The following SPACA9 variants were observed in gnomAD, a reference collection of about 807,000 sequenced individuals.
SPACA9 encodes sperm acrosome-associated protein 9.
A neutral mutation model predicts 12.5 loss-of-function variants in SPACA9; 14 were observed. The ratio of observed to expected loss-of-function variants is 1.12; its 90% CI spans 0.74 to 1.75. The LOEUF is 1.75. SPACA9 is among the 40% of genes most tolerant of loss of function. The pLI, the probability that SPACA9 is intolerant of heterozygous loss-of-function variation, is 0.00. For missense variants in SPACA9, 292 were observed against 291.9 expected (o/e 1.00, Z 0.00); for synonymous variants, 111 against 114.1 (o/e 0.97, Z 0.17).
intron 2 of SPACA9, among the ~76,000 whole-genome samples, chr9:132,884,540 G>A (rs1338028841): frequency 6.6e-6 from 1 of 152,256 alleles, no homozygotes; most frequent in Non-Finnish European, 1.5e-5. Context: ...TTTCGCAGAT[G>A]TTTTTATTTA....
downstream of SPACA9, chr9:132,890,152 C>A: frequency 1.9e-6 from 1 of 534,050 alleles, no homozygotes; most frequent in Non-Finnish European, 2.9e-6. Flanking sequence ...CCACCCTAGG[C>A]AAGGGGGCAT....
rs142240079 is a variant in SPACA9 at position 132,888,438 on chromosome 9, G to A, written c.496G>A (p.Val166Met). Reference sequence around the variant, plus strand: ...GTTGCCGCGCAAGGTGCTGCAGCACGTGAGTGAGCCCCAGGCGCACCAGGA... The same window carrying A: ...GTTGCCGCGCAAGGTGCTGCAGCACATGAGTGAGCCCCAGGCGCACCAGGA... ...EKLPRKVLQH[V>M]SEPQAHQEST... The change falls in exon 4 of 4, where the codon GTG becomes ATG. Residue 166 changes from valine to methionine, a missense_variant. Val to Met is a conservative substitution (Grantham distance 21, BLOSUM62 1). Transcript: ENST00000356311. This position sits in a 1 kb window ranked among gnomAD's most constrained non-coding sequence, Gnocchi z 5.0. 1.9e-4 allele frequency: 305 copies of A among 1,613,574 alleles called. No homozygotes were observed. Among genetic ancestry groups the A allele is most frequent in the Middle Eastern group, 1.2e-3 (7 of 6,062 alleles).
Position 132,887,631 on chromosome 9 carries a change from C to A in SPACA9, c.347+60C>A. ...GTGTGCCTGTGGGGAGGCCTCTGTC[C>A]TGCTTCTTTCCTGTTGCCTGGATCA... is the stretch of plus-strand genomic sequence containing the variant. On this transcript the variant is annotated intron_variant, in intron 3 of 3. Transcript: ENST00000356311. The surrounding 1 kb of genome is among the most constrained non-coding windows in gnomAD (Gnocchi z 5.4). The A allele has an allele frequency of 6.9e-7, 1 of 1,445,106 alleles. No individual in the cohort carries two copies. The highest frequency in any genetic ancestry group is 1.2e-5 in the South Asian group (1 of 86,360). The allele number at this position is 1,445,106 out of a possible 1,614,324, so 89.5% of individuals were successfully genotyped here.
intron 1 of SPACA9, among the ~76,000 whole-genome samples, chr9:132,881,665 CT>C (rs79845257): frequency 0.35 from 51,054 of 144,332 alleles, 10,277 homozygotes; most frequent in South Asian, 0.56. Context: ...ACTCAAGATG[CT>C]TTTTTTTTTT....
chr9:132,878,489 G>C, upstream of SPACA9: 3 of 1,209,070 alleles, frequency 2.5e-6, no homozygotes, highest in Non-Finnish European at 3.1e-6. The surrounding 1 kb of genome is among the most constrained non-coding windows in gnomAD (Gnocchi z 4.7). Context: ...GCATCTTAGC[G>C]GGGGACACCC....
rs1417886471 is a variant in SPACA9 at position 132,889,221 on chromosome 9, C to T, written c.*610C>T. ...TGTCACCTAGGTCCTCTTTGAGCCA[C>T]ATCCGGCTCCAGTGCCACGCCTGTC... On this transcript the variant is annotated 3_prime_UTR_variant, in exon 4 of 4. Transcript: ENST00000356311. 4 of 985,978 alleles carry T rather than the reference C, an allele frequency of 4.1e-6. No individual in the cohort carries two copies. The highest frequency in any genetic ancestry group is 5.2e-4 in the Middle Eastern group (1 of 1,936). The allele number at this position is 985,978 out of a possible 1,614,324, so 61.1% of individuals were successfully genotyped here.
intron 2 of SPACA9, among the ~76,000 whole-genome samples, chr9:132,884,838 A>T (rs1347029905): frequency 6.6e-6 from 1 of 152,166 alleles, no homozygotes; most frequent in Admixed American, 6.5e-5. Flanking sequence ...TTTTCTGGCC[A>T]GGCGTGGTGG....
At chr9:132,882,642 C>A (rs770326854) in intron 1 of SPACA9, among the ~76,000 whole-genome samples, 7 of 152,084 alleles carry the variant, frequency 4.6e-5, no homozygotes, top group Non-Finnish European at 1.0e-4. Context: ...TCCTATCCAC[C>A]TGGGACCTGC....
chr9:132,881,881 G>A (rs141308026), intron 1 of SPACA9, among the ~76,000 whole-genome samples: 378 of 152,254 alleles, frequency 2.5e-3, no homozygotes, highest in African/African-American at 8.2e-3. Context: ...TTGCATGGGG[G>A]CAAGTGTCTC....
chr9:132,881,665 CTTTT>C (rs79845257), intron 1 of SPACA9, among the ~76,000 whole-genome samples: 1 of 144,548 alleles, frequency 6.9e-6, no homozygotes. Flanking sequence ...ACTCAAGATG[CTTTT>C]TTTTTTTTTT....
At chr9:132,885,286 A>G (rs936564091) in intron 2 of SPACA9, among the ~76,000 whole-genome samples, 8 of 151,920 alleles carry the variant, frequency 5.3e-5, no homozygotes, top group African/African-American at 1.9e-4. Flanking sequence ...GGCCGAGGTG[A>G]GTGGATCACC....
chr9:132,878,356 C>A (rs1844252083), upstream of SPACA9: 4 of 1,256,486 alleles, frequency 3.2e-6, no homozygotes, highest in Non-Finnish European at 4.0e-6. This position sits in a 1 kb window ranked among gnomAD's most constrained non-coding sequence, Gnocchi z 4.7. Flanking sequence ...GCAGGCTCCG[C>A]GCCGGGCCCA....
At chr9:132,878,577 G>A (rs1436527452), upstream of SPACA9, 1 of 1,122,132 alleles carries the variant, frequency 8.9e-7, no homozygotes, top group Non-Finnish European at 1.1e-6. This position sits in a 1 kb window ranked among gnomAD's most constrained non-coding sequence, Gnocchi z 4.7. Flanking sequence ...GCCCTCCGAG[G>A]GGACGGGAGG....
Position 132,888,633 on chromosome 9 carries a change from G to GCCT in SPACA9, c.*22_*23insCCT, listed in dbSNP as rs1564460461. 6.6e-7 allele frequency: 1 copy of GCCT among 1,506,158 alleles called. No homozygotes were observed. Among genetic ancestry groups the GCCT allele is most frequent in the Non-Finnish European group, 8.9e-7 (1 of 1,126,130 alleles). The allele number at this position is 1,506,158 out of a possible 1,614,324, so 93.3% of individuals were successfully genotyped here. A position where few individuals can be genotyped will look rare whatever the true frequency, so the allele number is the denominator to read the frequency against. ...GTAACTCAGAGCCAGGAGCTCCGTC[G>GCCT]GCGGAGAGCTTTGCTGTTTAATTTG... is the stretch of plus-strand genomic sequence containing the variant. On this transcript the variant is annotated 3_prime_UTR_variant, in exon 4 of 4. Transcript: ENST00000356311. The surrounding 1 kb of genome is among the most constrained non-coding windows in gnomAD (Gnocchi z 5.0).
At chr9:132,886,571 A>T (rs1233429106) in intron 2 of SPACA9, among the ~76,000 whole-genome samples, 5 of 152,162 alleles carry the variant, frequency 3.3e-5, no homozygotes, top group Non-Finnish European at 7.3e-5. Flanking sequence ...GGAGCCACTG[A>T]GCTGGGGACA....
upstream of SPACA9, chr9:132,878,625 C>T (rs904782656): frequency 2.7e-5 from 28 of 1,047,110 alleles, no homozygotes; most frequent in East Asian, 7.1e-5. This position sits in a 1 kb window ranked among gnomAD's most constrained non-coding sequence, Gnocchi z 4.7. Context: ...CTCCCCGGCC[C>T]GGCTCCCTGT....
At position 132,888,843 on chromosome 9, in the gene SPACA9, C is replaced by G; in HGVS notation, c.*232C>G. ...AGTGCGGTGGCGCAACCTCGGCTCA[C>G]TGCAACCTCCGCCTCCCAGGTTCAC... On this transcript the variant is annotated 3_prime_UTR_variant, in exon 4 of 4. Transcript: ENST00000356311. The surrounding 1 kb of genome is among the most constrained non-coding windows in gnomAD (Gnocchi z 5.0). 2 of 980,804 alleles carry G rather than the reference C, an allele frequency of 2.0e-6. No individual in the cohort carries two copies. The highest frequency in any genetic ancestry group is 2.7e-6 in the Non-Finnish European group (2 of 737,676). 60.8% of individuals were successfully genotyped at this position (980,804 alleles called of 1,614,324 possible). A position where few individuals can be genotyped will look rare whatever the true frequency, so the allele number is the denominator to read the frequency against.
chr9:132,881,127 A>G (rs1422017247), intron 1 of SPACA9, among the ~76,000 whole-genome samples: 3 of 151,840 alleles, frequency 2.0e-5, no homozygotes, highest in African/African-American at 7.2e-5. Flanking sequence ...CCCAGCCAGC[A>G]ATCTTTTCTT....
At position 132,888,479 on chromosome 9, in the gene SPACA9, C is replaced by A; in HGVS notation, c.537C>A (p.Ala179=). The A allele has an allele frequency of 6.2e-7, 1 of 1,608,892 alleles. No individual in the cohort carries two copies. Among genetic ancestry groups the A allele is most frequent in the Non-Finnish European group, 8.5e-7 (1 of 1,178,000 alleles). ...CGCACCAGGAGAGCACCAGGGGAGC[C>A]GCTCGTCCTGCCCAGGCCATAGGGA... The part of the protein sequence containing the change: ...PQAHQESTRG[A]ARPAQAIGTQ... Residue 179 remains alanine (A), a synonymous_variant, in exon 4 of 4, where the codon GCC becomes GCA. Transcript: ENST00000356311. This position sits in a 1 kb window ranked among gnomAD's most constrained non-coding sequence, Gnocchi z 5.0.
Sources: gnomAD v4.1 joint callset for allele counts (sites outside exome capture counted in the v4.1 genomes callset) on GRCh38, gnomAD v4.1.1 for gene constraint, Gnocchi (gnomAD v3.1) non-coding constraint, MANE v1.5 for transcripts, NCBI Gene and HGNC (gene_info 2026-07-23, HGNC 2026-07-21) for gene names.